RRP12: variants seen among roughly 807,000 people sequenced by gnomAD.
RRP12 encodes ribosomal RNA processing 12 homolog.
In RRP12, 78 loss-of-function variants were observed where a neutral mutation model predicts 157.3. That is an observed-to-expected ratio of 0.50 (90% CI 0.41 to 0.60). The LOEUF (loss-of-function observed/expected upper bound fraction) is 0.60, where lower values mean the gene tolerates loss of function less well. Ranked by LOEUF, RRP12 falls within the 20% of genes least tolerant of loss-of-function variation. The pLI is 0.00. For synonymous variants in RRP12, 726 were observed against 670.9 expected (o/e 1.08, Z -1.27); for missense variants, 1,521 against 1,679.9 (o/e 0.91, Z 1.65).
intron 33 of RRP12, 62 bp from the exon 34 acceptor site, chr10:97,357,258 C>A: frequency 9.3e-7 from 1 of 1,072,274 alleles, no homozygotes; most frequent in South Asian, 1.4e-5. Flanking sequence ...CCTCCTGTTG[C>A]CAAATGATGG....
Position 97,390,431 on chromosome 10 carries a change from T to C in RRP12, c.745A>G (p.Lys249Glu), listed in dbSNP as rs1160706435. The C allele has an allele frequency of 1.2e-6, 2 of 1,612,946 alleles. No homozygotes were observed. The highest frequency in any genetic ancestry group is 2.7e-5 in the African/African-American group (2 of 74,898). Residue 249 changes from lysine (K) to glutamate (E), a missense_variant, in exon 6 of 34, where the codon AAG becomes GAG. Physicochemically the swap from Lys to Glu is moderately conservative, Grantham distance 56. Transcript: ENST00000370992. Reference protein sequence around the residue: ...HGLLSFTVHPKPKIRKAAQHG... With the variant: ...HGLLSFTVHPEPKIRKAAQHG... The stretch of plus-strand genomic sequence containing the variant: ...GGAGCTAGTAGTCTCACCTTGGGCT[T>C]GGGATGCACCGTGAAGCTCAGCAGC...
Position 97,373,694 on chromosome 10 carries a change from AC to A in RRP12, c.1906del (p.Val636TrpfsTer22). On this transcript the variant is annotated frameshift_variant, in exon 17 of 34. Transcript: ENST00000370992. LOFTEE classifies it high-confidence loss of function. Reference sequence around the variant, plus strand: ...TGCCAGCCCTTTGAAGGAGATGGCCACATCTGTAGGCCTTGTGCAGAACCCA... The same window carrying A: ...TGCCAGCCCTTTGAAGGAGATGGCCAATCTGTAGGCCTTGTGCAGAACCCA... Reference protein sequence around the residue: ...LPGFCTRPTDVAISFKGLART... With the variant: ...LPGFCTRPTDXAISFKGLART... The A allele has an allele frequency of 6.2e-7, 1 of 1,613,864 alleles. No individual in the cohort carries two copies. Among genetic ancestry groups the A allele is most frequent in the South Asian group, 1.1e-5 (1 of 91,066 alleles).
Position 97,370,506 on chromosome 10 carries a change from G to A in RRP12, c.2638C>T (p.Leu880=). The change falls in exon 23 of 34, where the codon CTG becomes TTG. Residue 880 remains leucine (L), a synonymous_variant. Coordinates refer to ENST00000370992, the MANE Select transcript of RRP12 (RefSeq NM_015179.4). The part of the protein sequence containing the change: ...SVGARKNAFA[L]LVEMGHAFLR... Reference sequence around the variant, plus strand: ...AAAGCATGGCCCATCTCCACGAGCAGTGCAAAAGCGTTCTTCCGTGCGCCC... The same window carrying A: ...AAAGCATGGCCCATCTCCACGAGCAATGCAAAAGCGTTCTTCCGTGCGCCC... 2 of 1,611,562 alleles carry A rather than the reference G, an allele frequency of 1.2e-6. No individual in the cohort carries two copies. Among genetic ancestry groups the A allele is most frequent in the Non-Finnish European group, 1.7e-6 (2 of 1,178,924 alleles).
rs775585736 is a variant in RRP12 at position 97,360,574 on chromosome 10, C to T, written c.3612G>A (p.Glu1204=). 6.2e-7 allele frequency: 1 copy of T among 1,613,998 alleles called. No homozygotes were observed. The highest frequency in any genetic ancestry group is 1.1e-5 in the South Asian group (1 of 91,082). Residue 1204 remains glutamate, a synonymous_variant, in exon 31 of 34, where the codon GAG becomes GAA. Transcript: ENST00000370992. ...GGTACTGAGGGGGTATCTCCAGCTC[C>T]TCCTCCTCAGCCTCTTTCTGGTGCT... ...KLKHQKEAEE[E]ELEIPPQYQA...
At chr10:97,364,452 C>T (rs1268104070) in intron 29 of RRP12, among the ~76,000 whole-genome samples, 1 of 152,218 alleles carries the variant, frequency 6.6e-6, no homozygotes, top group Non-Finnish European at 1.5e-5. Flanking sequence ...TGTGTGGTGG[C>T]TCACACCTGT....
intron 9 of RRP12, among the ~76,000 whole-genome samples, 192 bp from the exon 10 acceptor site, chr10:97,385,449 G>A (rs1220401324): frequency 6.6e-6 from 1 of 151,908 alleles, no homozygotes; most frequent in Admixed American, 6.6e-5. Flanking sequence ...TAATTCTTTG[G>A]GAGAACAGCC....
Position 97,381,459 on chromosome 10 carries a change from G to A in RRP12, c.1345C>T (p.Pro449Ser). The change falls in exon 12 of 34, where the codon CCC (proline) becomes TCC (serine). Residue 449 changes from proline (P) to serine (S), a missense_variant. Transcript: ENST00000370992. ...LKEILKECVA[P>S]HMADIGSVTS... ...ACGGAGCCAATGTCAGCCATGTGGGGAGCCACGCATTCCTTCAGGATCTCC... is the reference window on the plus strand; with the variant it reads ...ACGGAGCCAATGTCAGCCATGTGGGAAGCCACGCATTCCTTCAGGATCTCC... 6.2e-7 allele frequency: 1 copy of A among 1,613,076 alleles called. No individual in the cohort carries two copies. Among genetic ancestry groups the A allele is most frequent in the Non-Finnish European group, 8.5e-7 (1 of 1,179,602 alleles).
At chr10:97,400,887 A>G (rs1347548430) in intron 1 of RRP12, among the ~76,000 whole-genome samples, 1 of 152,168 alleles carries the variant, frequency 6.6e-6, no homozygotes, top group Admixed American at 6.5e-5. Context: ...GGTACCTTAC[A>G]CAAGACATTT....
chr10:97,400,979 G>A, intron 1 of RRP12, 114 bp downstream of exon 1: 1 of 1,301,150 alleles, frequency 7.7e-7, no homozygotes, highest in South Asian at 1.5e-5. Flanking sequence ...GACATCCTAA[G>A]AGACGAAAGG....
intron 6 of RRP12, among the ~76,000 whole-genome samples, chr10:97,389,142 C>CT (rs1203550558): frequency 3.3e-5 from 5 of 152,082 alleles, no homozygotes; most frequent in African/African-American, 7.2e-5. Context: ...GTAGCCCAGG[C>CT]GGAGTGCAGT....
rs775808485 is a variant in RRP12, at chr10:97,380,865, G to C, written c.1467C>G (p.Ser489=). The C allele has an allele frequency of 3.7e-6, 6 of 1,614,178 alleles. No homozygotes were observed. The highest frequency in any genetic ancestry group is 1.7e-5 in the Admixed American group (1 of 60,028). ...LTYKFHAAWS[S]VLQLLCVFFE... is the part of the protein sequence containing the mutation. ...AGAAGACACACAGCAGCTGCAACAC[G>C]GAGCTCCAGGCCGCATGGAATTTGT... Residue 489 remains serine, a synonymous_variant, in exon 13 of 34, where the codon TCC becomes TCG. Transcript: ENST00000370992.
intron 33 of RRP12, among the ~76,000 whole-genome samples, chr10:97,357,853 G>A (rs1329772874): frequency 2.0e-5 from 3 of 151,908 alleles, no homozygotes; most frequent in East Asian, 1.9e-4. Flanking sequence ...CAGCTACTCC[G>A]GAGGCTGAGG....
rs1457959685 is a variant in RRP12, at chr10:97,370,258, G to T, written c.2706C>A (p.Tyr902Ter). ...GSNQEEALQC[Y>*]LVLIYPGLVG... ...CCAGGCCAGGGTAGATCAGGACGAG[G>T]TAGCACTGCAGGGCCTCTGGGGACA... Residue 902 changes from tyrosine to a stop codon, truncating the protein, a stop_gained, in exon 24 of 34, where the codon TAC (tyrosine) becomes TAA (stop). Coordinates refer to ENST00000370992, the MANE Select transcript of RRP12 (RefSeq NM_015179.4). LOFTEE classifies it high-confidence loss of function. 1 of 1,597,584 alleles carries T rather than the reference G, an allele frequency of 6.3e-7. No individual in the cohort carries two copies. The highest frequency in any genetic ancestry group is 8.5e-7 in the Non-Finnish European group (1 of 1,172,638).
At chr10:97,386,337 A>T (rs1844631751) in intron 8 of RRP12, among the ~76,000 whole-genome samples, 1 of 148,350 alleles carries the variant, frequency 6.7e-6, no homozygotes, top group Non-Finnish European at 1.5e-5. Flanking sequence ...ATACAGGTGC[A>T]TGCCACTGTG....
Position 97,373,621 on chromosome 10 carries a change from G to A in RRP12, c.1980C>T (p.Thr660=), listed in dbSNP as rs146288563. Residue 660 remains threonine (T), a synonymous_variant, in exon 17 of 34, where the codon ACC becomes ACT. Transcript: ENST00000370992. ...AISERPDLRV[T]VCQALRTLIT... ...TGAGGGTGCGCAGGGCCTGGCACACGGTGACCCTCAGGTCTGGACGCTCGC... is the reference window on the plus strand; with the variant it reads ...TGAGGGTGCGCAGGGCCTGGCACACAGTGACCCTCAGGTCTGGACGCTCGC... The A allele has an allele frequency of 8.1e-6, 13 of 1,612,738 alleles. No homozygotes were observed. The highest frequency in any genetic ancestry group is 2.7e-5 in the African/African-American group (2 of 75,036).
chr10:97,397,427 GC>G (rs1241694154), intron 2 of RRP12, among the ~76,000 whole-genome samples: 2 of 152,098 alleles, frequency 1.3e-5, no homozygotes, highest in Non-Finnish European at 2.9e-5. Context: ...CTCCCAAAGT[GC>G]TAGGATTACA....
intron 8 of RRP12, 143 bp from the exon 9 acceptor site, chr10:97,386,136 C>G: frequency 1.7e-6 from 1 of 588,862 alleles, no homozygotes; most frequent in Non-Finnish European, 3.1e-6. Context: ...CTGAGGACTG[C>G]CACCTTAGTA....
At position 97,370,612 on chromosome 10, in the gene RRP12, A is replaced by G. The variant is rs749382618; in HGVS notation, c.2584-52T>C. On this transcript the variant is annotated intron_variant, in intron 22 of 33. Coordinates refer to ENST00000370992, the MANE Select transcript of RRP12 (RefSeq NM_015179.4). Reference sequence around the variant, plus strand: ...TGCTCCCTGAGCCATCTGCCCGGGAAGCGAATCGAGTCCTCCCACTCCCAT... The same window carrying G: ...TGCTCCCTGAGCCATCTGCCCGGGAGGCGAATCGAGTCCTCCCACTCCCAT... 2.6e-5 allele frequency: 41 copies of G among 1,585,542 alleles called. No individual in the cohort carries two copies. The African/African-American group carries it at 4.6e-4, about 18-fold the overall frequency.
Position 97,385,213 on chromosome 10 carries a change from C to G in RRP12, c.1161G>C (p.Leu387=). The change falls in exon 10 of 34, where the codon CTG becomes CTC. Residue 387 remains leucine, a synonymous_variant. Transcript: ENST00000370992. ...YVPSENDLQP[L]LAWLKVMEKA... ...TCTCCATGACCTTAAGCCAGGCTAG[C>G]AGGGGTTGTAAATCATTCTCACTGG... 1 of 1,614,124 alleles carries G rather than the reference C, an allele frequency of 6.2e-7. No individual in the cohort carries two copies. Among genetic ancestry groups the G allele is most frequent in the Non-Finnish European group, 8.5e-7 (1 of 1,179,976 alleles).
Sources: gnomAD v4.1 joint callset for allele counts (sites outside exome capture counted in the v4.1 genomes callset) on GRCh38, gnomAD v4.1.1 for gene constraint, MANE v1.5 for transcripts, NCBI Gene and HGNC (gene_info 2026-07-23, HGNC 2026-07-21) for gene names.